The following PLAAT3 variants were observed in gnomAD, a reference collection of about 807,000 sequenced individuals.
PLAAT3 encodes Ca-independent phospholipase A1/2.
In PLAAT3, 21 loss-of-function variants were observed where a neutral mutation model predicts 16.7. The observed-to-expected ratio is 1.26, with a 90% CI of 0.89 to 1.81. The LOEUF (loss-of-function observed/expected upper bound fraction) is 1.81, where lower values mean the gene tolerates loss of function less well. Ranked by LOEUF, PLAAT3 falls within the 40% of genes most tolerant of loss-of-function variation. PLAAT3 has a pLI of 0.00. For missense variants in PLAAT3, 219 were observed against 213.7 expected (o/e 1.02, Z -0.16); for synonymous variants, 76 against 81.7 (o/e 0.93, Z 0.38).
chr11:63,596,168 A>G (rs1183291572), intron 3 of PLAAT3, among the ~76,000 whole-genome samples: 1 of 133,140 alleles, frequency 7.5e-6, no homozygotes, highest in African/African-American at 2.8e-5. Flanking sequence ...GTGAACCCGG[A>G]GGCAGAGCTT....
chr11:63,607,151 A>G (rs1938588507), intron 2 of PLAAT3, among the ~76,000 whole-genome samples: 1 of 152,170 alleles, frequency 6.6e-6, no homozygotes, highest in Non-Finnish European at 1.5e-5. Flanking sequence ...AGGTGTCTGG[A>G]CAGAGCAACT....
intron 4 of PLAAT3, among the ~76,000 whole-genome samples, chr11:63,584,842 C>T (rs945951867): frequency 2.6e-5 from 4 of 152,038 alleles, no homozygotes; most frequent in African/African-American, 9.7e-5. Context: ...ATCTAGTCTG[C>T]TTCAAAGAGC....
At chr11:63,579,345 A>C (rs1319289867) in intron 4 of PLAAT3, among the ~76,000 whole-genome samples, 2 of 152,232 alleles carry the variant, frequency 1.3e-5, no homozygotes, top group African/African-American at 2.4e-5. Context: ...ACTAGAAATA[A>C]CACTTGACCC....
chr11:63,610,523 C>T (rs907984742), intron 2 of PLAAT3, among the ~76,000 whole-genome samples: 3 of 152,208 alleles, frequency 2.0e-5, no homozygotes, highest in African/African-American at 7.2e-5. Flanking sequence ...TCCTCCAGCC[C>T]CTCTCAGCCC....
chr11:63,589,872 T>C (rs570871173), intron 4 of PLAAT3, among the ~76,000 whole-genome samples: 66 of 152,164 alleles, frequency 4.3e-4, no homozygotes, highest in African/African-American at 1.4e-3. Context: ...TGTCTGTGAC[T>C]CCTTTCCTTG....
intron 2 of PLAAT3, among the ~76,000 whole-genome samples, chr11:63,610,158 CTG>C (rs1284691532): frequency 2.0e-5 from 3 of 152,372 alleles, no homozygotes; most frequent in South Asian, 2.1e-4. Flanking sequence ...CGTTCAACAA[CTG>C]TGCTCCCATG....
chr11:63,601,356 T>A (rs1235750235), intron 2 of PLAAT3, among the ~76,000 whole-genome samples: 2 of 150,556 alleles, frequency 1.3e-5, no homozygotes, highest in Admixed American at 6.6e-5. Context: ...AAATAAATTT[T>A]AAATATTTAT....
chr11:63,574,644 T>G lies in PLAAT3; in HGVS notation c.*301A>C. On this transcript the variant is annotated 3_prime_UTR_variant, in exon 5 of 5. Transcript: ENST00000415826. Reference sequence around the variant, plus strand: ...CTGACGACCAGAAACGCCCTCTACTTGAGATAACTGGAGCTGGACTCTGCC... The same window carrying G: ...CTGACGACCAGAAACGCCCTCTACTGGAGATAACTGGAGCTGGACTCTGCC... 7 of 296,436 alleles carry G rather than the reference T, an allele frequency of 2.4e-5. No homozygotes were observed. The highest frequency in any genetic ancestry group is 1.5e-4 in the East Asian group (2 of 12,968). The allele number at this position is 296,436 out of a possible 1,614,324, so 18.4% of individuals were successfully genotyped here. A position where few individuals can be genotyped will look rare whatever the true frequency, so the allele number is the denominator to read the frequency against.
chr11:63,580,414 G>A (rs950570623), intron 4 of PLAAT3, among the ~76,000 whole-genome samples: 1 of 152,250 alleles, frequency 6.6e-6, no homozygotes, highest in African/African-American at 2.4e-5. Flanking sequence ...CCAGCACTTT[G>A]GGAGGCCGAG....
intron 2 of PLAAT3, among the ~76,000 whole-genome samples, chr11:63,613,656 C>A (rs1020048246): frequency 2.4e-5 from 3 of 124,678 alleles, no homozygotes; most frequent in African/African-American, 8.6e-5. Context: ...GCTGACATAG[C>A]CCCCAAGGCC....
chr11:63,594,500 G>A (rs1490295292), intron 3 of PLAAT3, among the ~76,000 whole-genome samples: 1 of 152,134 alleles, frequency 6.6e-6, no homozygotes, highest in Non-Finnish European at 1.5e-5. Flanking sequence ...CAGCTGTGAT[G>A]GGACTTGGCT....
At chr11:63,602,328 G>A (rs1314804263) in intron 2 of PLAAT3, among the ~76,000 whole-genome samples, 3 of 151,234 alleles carry the variant, frequency 2.0e-5, no homozygotes, top group Non-Finnish European at 4.4e-5. Context: ...AATAAACACA[G>A]AAGACAGGGG....
intron 2 of PLAAT3, among the ~76,000 whole-genome samples, chr11:63,605,536 T>G (rs116624051): frequency 2.0e-5 from 3 of 152,054 alleles, no homozygotes; most frequent in Non-Finnish European, 2.9e-5. Context: ...CCAGTGTCTT[T>G]TTTGTTCTTT....
At chr11:63,591,446 A>C (rs919483277) in intron 3 of PLAAT3, among the ~76,000 whole-genome samples, 2 of 152,156 alleles carry the variant, frequency 1.3e-5, no homozygotes, top group African/African-American at 4.8e-5. Context: ...CCCAGGGAGC[A>C]TGTCAAAGGA....
chr11:63,606,458 A>ACG, intron 2 of PLAAT3, among the ~76,000 whole-genome samples: 1 of 149,066 alleles, frequency 6.7e-6, no homozygotes, highest in South Asian at 2.1e-4. Context: ...ACACACACAC[A>ACG]CACACCTTAG....
At chr11:63,594,403 G>C (rs1938230923) in intron 3 of PLAAT3, among the ~76,000 whole-genome samples, 1 of 152,150 alleles carries the variant, frequency 6.6e-6, no homozygotes, top group South Asian at 2.1e-4. Flanking sequence ...GACCAAAAAA[G>C]AAGGGCCCAG....
intron 2 of PLAAT3, among the ~76,000 whole-genome samples, chr11:63,604,777 T>C (rs1314664048): frequency 6.6e-6 from 1 of 152,108 alleles, no homozygotes; most frequent in Non-Finnish European, 1.5e-5. Flanking sequence ...AAAAAAGTAT[T>C]TTCTAGTTTT....
intron 2 of PLAAT3, 43 bp from the exon 3 acceptor site, chr11:63,598,206 G>T (rs145543963): frequency 1.5e-6 from 2 of 1,361,378 alleles, no homozygotes; most frequent in Non-Finnish European, 2.1e-6. Flanking sequence ...GCATGAGATC[G>T]TGGAACCAGG....
upstream of PLAAT3, among the ~76,000 whole-genome samples, chr11:63,615,539 A>G (rs1419680760): frequency 6.6e-6 from 1 of 152,046 alleles, no homozygotes; most frequent in Non-Finnish European, 1.5e-5. Context: ...TGAAATTTCC[A>G]TGTTGAAGGA....
Sources: allele counts gnomAD v4.1 joint callset (sites outside exome capture counted in the v4.1 genomes callset), GRCh38; gene constraint gnomAD v4.1.1; transcripts MANE v1.5; gene names NCBI Gene and HGNC (gene_info 2026-07-23, HGNC 2026-07-21).